Variants in CNOT3 observed in about 807,000 individuals in gnomAD.
The protein encoded by CNOT3 is CCR4-associated factor 3.
Under a neutral mutation model 89.4 loss-of-function variants are expected in CNOT3, and 2 were observed. The ratio of observed to expected loss-of-function variants is 0.02; its 90% CI spans 0.01 to 0.07. The LOEUF (loss-of-function observed/expected upper bound fraction) is 0.07. Among genes scored for constraint, CNOT3 ranks in the 10% least tolerant of loss-of-function variants. CNOT3 has a pLI of 1.00. For missense variants in CNOT3, 664 were observed against 1,010.2 expected, an observed-to-expected ratio of 0.66 and a Z score of 4.65; for synonymous variants, 486 against 402.0, an observed-to-expected ratio of 1.21 and a Z score of -2.50.
rs768608878 is a variant in CNOT3, at chr19:54,148,456, C to T, written c.1203C>T (p.Gly401=). 5.8e-6 allele frequency: 9 copies of T among 1,565,214 alleles called. No individual in the cohort carries two copies. Among genetic ancestry groups the T allele is most frequent in the Admixed American group, 3.5e-5 (2 of 56,376 alleles). ...PSVQPSGGGG[G]GSGGGGSSSS... ...TCCAGCCTAGCGGAGGCGGAGGCGG[C>T]GGCAGCGGAGGCGGAGGGAGCAGCA... is the stretch of plus-strand genomic sequence containing the variant. Residue 401 remains glycine, a synonymous_variant, in exon 11 of 18, where the codon GGC becomes GGT. Transcript: ENST00000221232. This position sits in a 1 kb window ranked among gnomAD's most constrained non-coding sequence, Gnocchi z 6.3.
chr19:54,148,449 G>A lies in CNOT3; in HGVS notation c.1196G>A (p.Gly399Glu), dbSNP rs1273687063. The A allele has an allele frequency of 1.3e-6, 2 of 1,568,282 alleles. No individual in the cohort carries two copies. Among genetic ancestry groups the A allele is most frequent in the East Asian group, 2.3e-5 (1 of 44,294 alleles). The change falls in exon 11 of 18, where the codon GGA becomes GAA. Residue 399 changes from glycine to glutamate, a missense_variant. Transcript: ENST00000221232. This position sits in a 1 kb window ranked among gnomAD's most constrained non-coding sequence, Gnocchi z 6.3. ...CCCAGCGTCCAGCCTAGCGGAGGCG[G>A]AGGCGGCGGCAGCGGAGGCGGAGGG... ...RPPSVQPSGG[G>E]GGGSGGGGSS...
At chr19:54,141,922 T>C (rs917616057) in intron 1 of CNOT3, 39 of 152,206 alleles carry the variant, frequency 2.6e-4, no homozygotes, top group African/African-American at 9.4e-4. Flanking sequence ...TGTCAGGCCC[T>C]AAGGTATGTC....
In CNOT3 at chr19:54,143,653, T is replaced by C; in HGVS notation, c.169-7T>C. 6.2e-7 allele frequency: 1 copy of C among 1,613,674 alleles called. No homozygotes were observed. The highest frequency in any genetic ancestry group is 1.1e-5 in the South Asian group (1 of 91,070). On this transcript the variant is annotated splice_region_variant and splice_polypyrimidine_tract_variant and intron_variant, in intron 4 of 17. Coordinates refer to ENST00000221232, the MANE Select transcript of CNOT3 (RefSeq NM_014516.4). The stretch of plus-strand genomic sequence containing the variant: ...AGGTCTGACTTTCTTGCTTTTCCCA[T>C]CTGCAGCGGCTGAGGGACCAAATCA...
At position 54,148,559 on chromosome 19, in the gene CNOT3, G is replaced by C. The variant is rs760224954; in HGVS notation, c.1282+24G>C. 7 of 1,577,736 alleles carry C rather than the reference G, an allele frequency of 4.4e-6. No individual in the cohort carries two copies. The highest frequency in any genetic ancestry group is 6.0e-6 in the Non-Finnish European group (7 of 1,158,388). On this transcript the variant is annotated intron_variant, in intron 11 of 17. Coordinates refer to ENST00000221232, the MANE Select transcript of CNOT3 (RefSeq NM_014516.4). This position sits in a 1 kb window ranked among gnomAD's most constrained non-coding sequence, Gnocchi z 6.3. The stretch of plus-strand genomic sequence containing the variant: ...CAGTGAGTGAGGAGGCAGCGGGGTG[G>C]GGGGCGTGGGCGGGGCTGGGCAGCA...
rs777783389 is a variant in CNOT3, at chr19:54,143,994, C to T, written c.259-12C>T. 6.3e-7 allele frequency: 1 copy of T among 1,588,468 alleles called. No individual in the cohort carries two copies. On this transcript the variant is annotated splice_polypyrimidine_tract_variant and intron_variant, in intron 5 of 17. Transcript: ENST00000221232. ...CCTTTGAGAGCCCCCCTGCCAACTG[C>T]ACTCTCTACAGCAAATGGAACGGTT...
Position 54,145,673 on chromosome 19 carries a change from C to T in CNOT3, c.559C>T (p.Leu187=). The T allele has an allele frequency of 1.2e-6, 2 of 1,612,798 alleles. No individual in the cohort carries two copies. Among genetic ancestry groups the T allele is most frequent in the Non-Finnish European group, 1.7e-6 (2 of 1,178,798 alleles). Residue 187 remains leucine, a synonymous_variant, in exon 8 of 18, where the codon CTG becomes TTG. Coordinates refer to ENST00000221232, the MANE Select transcript of CNOT3 (RefSeq NM_014516.4). The surrounding 1 kb of genome is among the most constrained non-coding windows in gnomAD (Gnocchi z 5.9). ...CCACGTGCGCATGCTAGAGACCATCCTGCGCATGCTGGACAATGACTCCAT... is the reference window on the plus strand; with the variant it reads ...CCACGTGCGCATGCTAGAGACCATCTTGCGCATGCTGGACAATGACTCCAT... The part of the protein sequence containing the change: ...RYHVRMLETI[L]RMLDNDSILV...
Position 54,149,588 on chromosome 19 carries a change from G to A in CNOT3, c.1435G>A (p.Gly479Arg). Reference protein sequence around the residue: ...SKEPSAAAPTGAGGVAPGSGN... With the variant: ...SKEPSAAAPTRAGGVAPGSGN... ...GGAACCCAGTGCGGCAGCCCCAACG[G>A]GGGCTGGGGGCGTGGCCCCAGGCTC... Residue 479 changes from glycine to arginine, a missense_variant, in exon 13 of 18, where the codon GGG becomes AGG. Physicochemically the swap from Gly to Arg is moderately radical, Grantham distance 125. Coordinates refer to ENST00000221232, the MANE Select transcript of CNOT3 (RefSeq NM_014516.4). 1.9e-6 allele frequency: 3 copies of A among 1,602,574 alleles called. No individual in the cohort carries two copies. Among genetic ancestry groups the A allele is most frequent in the Non-Finnish European group, 2.6e-6 (3 of 1,173,328 alleles).
At position 54,146,034 on chromosome 19, in the gene CNOT3, C is replaced by T. The variant is rs138043442; in HGVS notation, c.828C>T (p.Asn276=). 8 of 1,608,894 alleles carry T rather than the reference C, an allele frequency of 5.0e-6. No homozygotes were observed. In the African/African-American group the frequency reaches 9.4e-5, roughly 19 times the overall value. ...CTCCCATCCCGCCCAGCCCAGCCAA[C>T]TGTACCACGGTGAGGCCCCACGGGA... ...SSSPIPPSPA[N]CTTENSEDDK... Residue 276 remains asparagine, a synonymous_variant, in exon 9 of 18, where the codon AAC becomes AAT. Coordinates refer to ENST00000221232, the MANE Select transcript of CNOT3 (RefSeq NM_014516.4).
At chr19:54,154,197 C>T (rs773471344) in intron 17 of CNOT3, 13 of 447,690 alleles carry the variant, frequency 2.9e-5, no homozygotes, top group Middle Eastern at 3.6e-4. Context: ...GCTCTGCTGC[C>T]GAGGGACCTT....
At chr19:54,150,597 GCGCCCAGGC>G in intron 13 of CNOT3, among the ~76,000 whole-genome samples, 1 of 108,226 alleles carries the variant, frequency 9.2e-6, no homozygotes, top group Non-Finnish European at 2.0e-5. Flanking sequence ...GGCAGTGTGC[GCGCCCAGGC>G]TGTCCAGGAG....
chr19:54,143,029 C>A lies in CNOT3; in HGVS notation c.25+26C>A, dbSNP rs587739523. On this transcript the variant is annotated intron_variant, in intron 2 of 17. Coordinates refer to ENST00000221232, the MANE Select transcript of CNOT3 (RefSeq NM_014516.4). ...GTACTAGACTGACTTCCTGCTGCAC[C>A]TGTAGCCACATGCTCCCTCTTCTGA... The A allele has an allele frequency of 1.1e-5, 18 of 1,613,912 alleles. No individual in the cohort carries two copies. In the African/African-American group the frequency reaches 2.1e-4, roughly 19 times the overall value.
Position 54,148,457 on chromosome 19 carries a change from GGCAGCGGAGGCGGAGGGAGCA to G in CNOT3, c.1210_1230del (p.Gly404_Ser410del), listed in dbSNP as rs775604995. The G allele has an allele frequency of 4.5e-6, 7 of 1,563,798 alleles. No individual in the cohort carries two copies. In the East Asian group the frequency reaches 9.1e-5, roughly 20 times the overall value. ...CCAGCCTAGCGGAGGCGGAGGCGGC[GGCAGCGGAGGCGGAGGGAGCA>G]GCAGCAGTAGTAACAGCAGTGCCGG... On this transcript the variant is annotated inframe_deletion, in exon 11 of 18. Transcript: ENST00000221232. The surrounding 1 kb of genome is among the most constrained non-coding windows in gnomAD (Gnocchi z 6.3).
Position 54,152,335 on chromosome 19 carries a change from C to T in CNOT3, c.1705+10C>T. ...CACCTGACCGAGCGAGGTGAGGGAC[C>T]CAGGATGGTGGGGAAGCAGCGGGCC... On this transcript the variant is annotated intron_variant, in intron 14 of 17. Coordinates refer to ENST00000221232, the MANE Select transcript of CNOT3 (RefSeq NM_014516.4). The T allele has an allele frequency of 6.2e-7, 1 of 1,614,150 alleles. No homozygotes were observed. Among genetic ancestry groups the T allele is most frequent in the East Asian group, 2.2e-5 (1 of 44,884 alleles).
At chr19:54,138,905 G>C (rs587628677) in intron 1 of CNOT3, among the ~76,000 whole-genome samples, 109 of 152,314 alleles carry the variant, frequency 7.2e-4, no homozygotes, top group African/African-American at 2.5e-3. Context: ...CTTTGATCCT[G>C]GCGTCTGCCC....
chr19:54,153,249 TC>T (rs1189751827), intron 16 of CNOT3: 1 of 762,854 alleles, frequency 1.3e-6, no homozygotes, highest in East Asian at 2.4e-5. Context: ...CAGCCCCGCT[TC>T]CAGTTGCCCA....
rs587619299 is a variant in CNOT3, at chr19:54,146,881, G to A, written c.894+224G>A. On this transcript the variant is annotated intron_variant, in intron 10 of 17. Coordinates refer to ENST00000221232, the MANE Select transcript of CNOT3 (RefSeq NM_014516.4). ...CACCCTTGGCCTGGCCAGGCAGTCA[G>A]GAGATGCTGCTGTGGAGTGCCCTGG... Among the ~76,000 whole-genome samples, 532 of 152,342 alleles carry A rather than the reference G, an allele frequency of 3.5e-3. 4 individuals carry two copies. The highest frequency in any genetic ancestry group is 5.2e-3 in the Non-Finnish European group (352 of 68,026).
chr19:54,139,462 C>T (rs982395092), intron 1 of CNOT3, among the ~76,000 whole-genome samples: 2 of 152,142 alleles, frequency 1.3e-5, no homozygotes, highest in South Asian at 4.1e-4. Flanking sequence ...ACCCGGGTTC[C>T]TGTACTGCGA....
At chr19:54,142,479 T>G in intron 1 of CNOT3, 1 of 172,678 alleles carries the variant, frequency 5.8e-6, no homozygotes, top group Non-Finnish European at 1.2e-5. Context: ...GCCAGTTTCA[T>G]TTGTCTCCTG....
chr19:54,153,246 G>A (rs774758741), intron 16 of CNOT3: 16 of 762,830 alleles, frequency 2.1e-5, no homozygotes, highest in East Asian at 9.7e-5. Flanking sequence ...CCTCAGCCCC[G>A]CTTCCAGTTG....
Sources: allele counts gnomAD v4.1 joint callset (sites outside exome capture counted in the v4.1 genomes callset), GRCh38; gene constraint gnomAD v4.1.1; non-coding constraint Gnocchi (gnomAD v3.1); transcripts MANE v1.5; gene names NCBI Gene and HGNC (gene_info 2026-07-23, HGNC 2026-07-21).